The following PPP2R3A variants were observed in gnomAD, a reference collection of about 807,000 sequenced individuals.
PPP2R3A encodes serine/threonine-protein phosphatase 2A regulatory subunit B'' subunit alpha.
Under a neutral mutation model 106.9 loss-of-function variants are expected in PPP2R3A, and 80 were observed. The observed-to-expected ratio is 0.75, with a 90% CI of 0.62 to 0.90. The LOEUF (loss-of-function observed/expected upper bound fraction) is 0.90. PPP2R3A is among the 40% of genes least tolerant of loss of function. The pLI, the probability that PPP2R3A is intolerant of heterozygous loss-of-function variation, is 0.00. For synonymous variants in PPP2R3A, 483 were observed against 468.3 expected (o/e 1.03, Z -0.41); for missense variants, 1,386 against 1,350.4 (o/e 1.03, Z -0.41).
chr3:135,989,217 C>T (rs1160778126), intron 1 of PPP2R3A, among the ~76,000 whole-genome samples: 1 of 152,112 alleles, frequency 6.6e-6, no homozygotes, highest in Non-Finnish European at 1.5e-5. Context: ...CAAGGCCCAC[C>T]CAAACACTTG....
intron 13 of PPP2R3A, among the ~76,000 whole-genome samples, chr3:136,136,059 A>T (rs1465633669): frequency 6.4e-5 from 3 of 46,860 alleles, no homozygotes; most frequent in Non-Finnish European, 1.7e-4. Flanking sequence ...AAAAAAAAAA[A>T]AAAAAAAAAA....
chr3:136,104,113 G>C (rs180707153), intron 12 of PPP2R3A, among the ~76,000 whole-genome samples: 1 of 152,220 alleles, frequency 6.6e-6, no homozygotes, highest in East Asian at 1.9e-4. Context: ...TTCCATAACT[G>C]TTTGACCTAA....
chr3:136,102,220 A>G lies in PPP2R3A; in HGVS notation c.3103+38A>G, dbSNP rs762226731. ...AATGGGACAGATGCACTGTTCACCT[A>G]TGTATCAGAGGAGGGCAAAGAATCC... On this transcript the variant is annotated intron_variant, in intron 11 of 13. Transcript: ENST00000264977. 17 of 1,604,012 alleles carry G rather than the reference A, an allele frequency of 1.1e-5. 1 individual carries two copies. The highest frequency in any genetic ancestry group is 4.4e-5 in the South Asian group (4 of 90,330).
Position 136,145,277 on chromosome 3 carries a change from G to T in PPP2R3A, c.*111G>T. ...TAAAGACTTTGATTTCTCCAAGTGTGTATCATCTGCACTAGGAACTTTGTT... is the reference window on the plus strand; with the variant it reads ...TAAAGACTTTGATTTCTCCAAGTGTTTATCATCTGCACTAGGAACTTTGTT... On this transcript the variant is annotated 3_prime_UTR_variant, in exon 14 of 14. Transcript: ENST00000264977. 1 of 1,326,352 alleles carries T rather than the reference G, an allele frequency of 7.5e-7. No individual in the cohort carries two copies. Among genetic ancestry groups the T allele is most frequent in the Non-Finnish European group, 1.0e-6 (1 of 992,740 alleles). The allele number at this position is 1,326,352 out of a possible 1,614,324, so 82.2% of individuals were successfully genotyped here. A position where few individuals can be genotyped will look rare whatever the true frequency, so the allele number is the denominator to read the frequency against.
chr3:136,137,864 T>C (rs927223681), intron 13 of PPP2R3A, among the ~76,000 whole-genome samples: 3 of 152,094 alleles, frequency 2.0e-5, no homozygotes, highest in Non-Finnish European at 2.9e-5. Flanking sequence ...TACATTTACA[T>C]CCATCAGCAC....
At chr3:135,975,026 A>G (rs1004885139) in intron 1 of PPP2R3A, among the ~76,000 whole-genome samples, 1 of 152,170 alleles carries the variant, frequency 6.6e-6, no homozygotes, top group African/African-American at 2.4e-5. Flanking sequence ...GCTCCTACCA[A>G]TGCCAAGTCT....
chr3:136,061,226 A>T (rs1033928813), intron 5 of PPP2R3A, among the ~76,000 whole-genome samples: 1 of 152,220 alleles, frequency 6.6e-6, no homozygotes, highest in African/African-American at 2.4e-5. Flanking sequence ...TTAATATCTA[A>T]CTAATTGGAG....
At position 135,979,223 on chromosome 3, in the gene PPP2R3A, AC is replaced by A. The variant is rs1937504240; in HGVS notation, c.-441+13375del. 2.0e-5 allele frequency among the ~76,000 whole-genome samples: 3 copies of A among 151,760 alleles called. No individual in the cohort carries two copies. In the East Asian group the frequency reaches 5.8e-4, roughly 29 times the overall value. On this transcript the variant is annotated intron_variant, in intron 1 of 13. Coordinates refer to ENST00000264977, the MANE Select transcript of PPP2R3A (RefSeq NM_002718.5). The stretch of plus-strand genomic sequence containing the variant: ...GTGAAACCCCGTCTCTACTAAAAAT[AC>A]GAAAATTAGCCGGGTGTGATGGCAC...
chr3:135,992,564 T>C (rs1347590911), intron 1 of PPP2R3A, among the ~76,000 whole-genome samples: 2 of 152,208 alleles, frequency 1.3e-5, no homozygotes, highest in Non-Finnish European at 2.9e-5. Flanking sequence ...TTTCCATCAT[T>C]ACATTAATGT....
At position 136,040,749 on chromosome 3, in the gene PPP2R3A, C is replaced by T. The variant is rs192369918; in HGVS notation, c.2263-110C>T. On this transcript the variant is annotated intron_variant, in intron 3 of 13. Coordinates refer to ENST00000264977, the MANE Select transcript of PPP2R3A (RefSeq NM_002718.5). The stretch of plus-strand genomic sequence containing the variant: ...TGCTCCAGTTTTGTTCTCCTGAGGG[C>T]TCTTCCATCCACTGTGGCATGAAGG... 1.2e-3 allele frequency: 954 copies of T among 785,868 alleles called. 6 individuals carry two copies. The highest frequency in any genetic ancestry group is 9.9e-3 in the Middle Eastern group (28 of 2,838). The allele number at this position is 785,868 out of a possible 1,614,324, so 48.7% of individuals were successfully genotyped here.
chr3:136,098,927 T>A (rs1339503687), intron 10 of PPP2R3A, among the ~76,000 whole-genome samples: 1 of 152,096 alleles, frequency 6.6e-6, no homozygotes, highest in African/African-American at 2.4e-5. Context: ...AACTGGTGCT[T>A]TATTCCCTGG....
At chr3:136,034,342 T>C (rs1312297815) in intron 3 of PPP2R3A, among the ~76,000 whole-genome samples, 1 of 152,196 alleles carries the variant, frequency 6.6e-6, no homozygotes, top group East Asian at 1.9e-4. Context: ...GCCCAGACTT[T>C]TTGATGTAGG....
intron 11 of PPP2R3A, among the ~76,000 whole-genome samples, chr3:136,102,824 C>G (rs1937412095): frequency 6.6e-6 from 1 of 152,000 alleles, no homozygotes. Flanking sequence ...GACTGTATCT[C>G]TTTTTTAAAA....
intron 12 of PPP2R3A, among the ~76,000 whole-genome samples, chr3:136,104,930 T>C (rs28568667): frequency 0.068 from 10,326 of 152,274 alleles, 483 homozygotes; most frequent in South Asian, 0.11. Context: ...TCTAAAAAAA[T>C]TACCTTTAAA....
At chr3:136,108,039 C>T (rs1421518245) in intron 13 of PPP2R3A, among the ~76,000 whole-genome samples, 1 of 152,060 alleles carries the variant, frequency 6.6e-6, no homozygotes, top group Non-Finnish European at 1.5e-5. Flanking sequence ...GTGGCGAAAC[C>T]CCATCTCTAC....
chr3:136,088,371 T>C (rs1410951214), intron 9 of PPP2R3A, among the ~76,000 whole-genome samples: 1 of 152,246 alleles, frequency 6.6e-6, no homozygotes, highest in Non-Finnish European at 1.5e-5. Context: ...GTTCCTGTGT[T>C]AATTCGCTTA....
At chr3:136,070,606 A>G in intron 6 of PPP2R3A, 54 bp downstream of exon 6, 1 of 1,419,684 alleles carries the variant, frequency 7.0e-7, no homozygotes, top group Non-Finnish European at 9.6e-7. Flanking sequence ...CCTTTTTATT[A>G]CCATCTGCTA....
rs1273986931 is a variant in PPP2R3A at position 136,002,757 on chromosome 3, A to G, written c.1259A>G (p.Glu420Gly). The change falls in exon 2 of 14, where the codon GAG becomes GGG. Residue 420 changes from glutamate (E) to glycine (G), a missense_variant. Transcript: ENST00000264977. Reference sequence around the variant, plus strand: ...ATGGAAACTCTTTATATTGAAGAAGAGTCAGATGGAAAGAAAGCATTAGAT... The same window carrying G: ...ATGGAAACTCTTTATATTGAAGAAGGGTCAGATGGAAAGAAAGCATTAGAT... ...DLMETLYIEE[E>G]SDGKKALDKG... 6.2e-7 allele frequency: 1 copy of G among 1,612,788 alleles called. No individual in the cohort carries two copies. The highest frequency in any genetic ancestry group is 2.2e-5 in the East Asian group (1 of 44,852).
At chr3:136,032,015 G>C (rs1406961878) in intron 3 of PPP2R3A, among the ~76,000 whole-genome samples, 1 of 152,088 alleles carries the variant, frequency 6.6e-6, no homozygotes, top group Non-Finnish European at 1.5e-5. Flanking sequence ...ATGAATTTTA[G>C]AATTGTTTTT....
Sources: gnomAD v4.1 joint callset for allele counts (sites outside exome capture counted in the v4.1 genomes callset) on GRCh38, gnomAD v4.1.1 for gene constraint, MANE v1.5 for transcripts, NCBI Gene and HGNC (gene_info 2026-07-23, HGNC 2026-07-21) for gene names.